Variants in GNG11 observed in about 807,000 individuals in gnomAD.
GNG11 encodes guanine nucleotide-binding protein G(I)/G(S)/G(O) subunit gamma-11.
GNG11 carries 6 observed loss-of-function variants against 7.4 expected under a neutral mutation model. That is an observed-to-expected ratio of 0.81 (90% CI 0.44 to 1.60). The LOEUF (loss-of-function observed/expected upper bound fraction) is 1.60, where lower values mean the gene tolerates loss of function less well. Among genes scored for constraint, GNG11 ranks in the 40% most tolerant of loss-of-function variants. GNG11 has a pLI of 0.01. For missense variants in GNG11, 65 were observed against 83.0 expected, an observed-to-expected ratio of 0.78 and a Z score of 0.84; for synonymous variants, 31 against 25.9, an observed-to-expected ratio of 1.20 and a Z score of -0.60.
At position 93,927,406 on chromosome 7, in the gene GNG11, C is replaced by T. The variant is rs1379511607; in HGVS notation, c.*1190C>T. 6.6e-6 allele frequency: 1 copy of T among 152,186 alleles called. No individual in the cohort carries two copies. The highest frequency in any genetic ancestry group is 1.5e-5 in the Non-Finnish European group (1 of 68,044). The allele number at this position is 152,186 out of a possible 1,614,324, so 9.4% of individuals were successfully genotyped here. A position where few individuals can be genotyped will look rare whatever the true frequency, so the allele number is the denominator to read the frequency against. ...CTTTCTTTCTCACCTTGAGCATTCT[C>T]CCGCTTCTTCTCCGTCTTTTGGGTC... On this transcript the variant is annotated 3_prime_UTR_variant, in exon 2 of 2. Transcript: ENST00000248564.
At chr7:93,925,664 C>T (rs180235) in intron 1 of GNG11, among the ~76,000 whole-genome samples, 98,484 of 152,012 alleles carry the variant, frequency 0.65, 33,207 homozygotes, top group East Asian at 0.86. Context: ...CACCTGCTCA[C>T]TAGCATGGAA....
chr7:93,923,668 A>G (rs1296517218), intron 1 of GNG11, among the ~76,000 whole-genome samples: 1 of 151,870 alleles, frequency 6.6e-6, no homozygotes, highest in Non-Finnish European at 1.5e-5. Flanking sequence ...ACTGTGTAGA[A>G]CTTAGGAAAA....
chr7:93,925,279 T>C (rs1263943344), intron 1 of GNG11, among the ~76,000 whole-genome samples: 2 of 152,334 alleles, frequency 1.3e-5, no homozygotes, highest in Admixed American at 6.5e-5. Flanking sequence ...TTTTCTTTTG[T>C]TTTTATTCTT....
chr7:93,923,488 G>A (rs966056323), intron 1 of GNG11, among the ~76,000 whole-genome samples: 1 of 152,160 alleles, frequency 6.6e-6, no homozygotes, highest in South Asian at 2.1e-4. Flanking sequence ...CACGCTTCTT[G>A]AAACCTTAAG....
At chr7:93,925,543 G>T (rs1307200299) in intron 1 of GNG11, among the ~76,000 whole-genome samples, 2 of 152,086 alleles carry the variant, frequency 1.3e-5, no homozygotes, top group African/African-American at 4.8e-5. Context: ...CCAGAATCAG[G>T]CTTTTTCCAA....
chr7:93,926,195 A>C lies in GNG11; in HGVS notation c.201A>C (p.Lys67Asn). Residue 67 changes from lysine (K) to asparagine (N), a missense_variant, in exon 2 of 2, where the codon AAA (lysine) becomes AAC (asparagine). Physicochemically the swap from Lys to Asn is moderately conservative, Grantham distance 94. Transcript: ENST00000248564. Reference sequence around the variant, plus strand: ...AAGACAAGAACCCCTTTAAAGAAAAAGGCAGCTGTGTTATTTCATAAATAA... The same window carrying C: ...AAGACAAGAACCCCTTTAAAGAAAACGGCAGCTGTGTTATTTCATAAATAA... ...IPEDKNPFKE[K>N]GSCVIS 1 of 1,587,814 alleles carries C rather than the reference A, an allele frequency of 6.3e-7. No individual in the cohort carries two copies. The highest frequency in any genetic ancestry group is 8.6e-7 in the Non-Finnish European group (1 of 1,168,270).
At chr7:93,925,052 T>G (rs557812280) in intron 1 of GNG11, among the ~76,000 whole-genome samples, 9 of 152,190 alleles carry the variant, frequency 5.9e-5, no homozygotes, top group African/African-American at 1.9e-4. Context: ...TAGTCCCAGC[T>G]ACTTGGGAGG....
Position 93,928,501 on chromosome 7 carries a change from C to A in GNG11, c.*2285C>A, listed in dbSNP as rs1206895731. On this transcript the variant is annotated 3_prime_UTR_variant, in exon 2 of 2. Coordinates refer to ENST00000248564, the MANE Select transcript of GNG11 (RefSeq NM_004126.4). The stretch of plus-strand genomic sequence containing the variant: ...ATATTTAGATATATTGTAAATGTAA[C>A]CTTTGGTGACTGATAATTTGTTAAG... 2 of 151,940 alleles carry A rather than the reference C, an allele frequency of 1.3e-5. No homozygotes were observed. Among genetic ancestry groups the A allele is most frequent in the Admixed American group, 1.3e-4 (2 of 15,262 alleles). 9.4% of individuals were successfully genotyped at this position (151,940 alleles called of 1,614,324 possible). A position where few individuals can be genotyped will look rare whatever the true frequency, so the allele number is the denominator to read the frequency against.
rs1437933232 is a variant in GNG11, at chr7:93,927,222, G to C, written c.*1006G>C. 6.6e-6 allele frequency: 1 copy of C among 152,110 alleles called. No homozygotes were observed. Among genetic ancestry groups the C allele is most frequent in the Non-Finnish European group, 1.5e-5 (1 of 68,022 alleles). 9.4% of individuals were successfully genotyped at this position (152,110 alleles called of 1,614,324 possible). A position where few individuals can be genotyped will look rare whatever the true frequency, so the allele number is the denominator to read the frequency against. On this transcript the variant is annotated 3_prime_UTR_variant, in exon 2 of 2. Transcript: ENST00000248564. ...TATTCTGGCCATTTATTCGTGTTTG[G>C]TGATATGTGTTGCGAATACCTTCTC... is the stretch of plus-strand genomic sequence containing the variant.
Position 93,926,651 on chromosome 7 carries a change from C to T in GNG11, c.*435C>T, listed in dbSNP as rs1368987805. ...TAGGTGGTTCGACAGATCACATCTCCAAACCCTGCGTCAATGGTTTAGAGT... is the reference window on the plus strand; with the variant it reads ...TAGGTGGTTCGACAGATCACATCTCTAAACCCTGCGTCAATGGTTTAGAGT... On this transcript the variant is annotated 3_prime_UTR_variant, in exon 2 of 2. Transcript: ENST00000248564. 1 of 152,820 alleles carries T rather than the reference C, an allele frequency of 6.5e-6. No individual in the cohort carries two copies. The allele number at this position is 152,820 out of a possible 1,614,324, so 9.5% of individuals were successfully genotyped here.
At chr7:93,925,385 AT>A (rs1422186540) in intron 1 of GNG11, among the ~76,000 whole-genome samples, 1 of 152,096 alleles carries the variant, frequency 6.6e-6, no homozygotes, top group Non-Finnish European at 1.5e-5. Context: ...ACACTATTCA[AT>A]TTTTTCTCCA....
rs1178339785 is a variant in GNG11 at position 93,922,134 on chromosome 7, G to C, written c.-4G>C. ...GCTAGCCCGAGCCCGGTTCTGGGGCGAAAATGCCTGCCCTTCACATCGAAG... is the reference window on the plus strand; with the variant it reads ...GCTAGCCCGAGCCCGGTTCTGGGGCCAAAATGCCTGCCCTTCACATCGAAG... On this transcript the variant is annotated 5_prime_UTR_variant, in exon 1 of 2. Coordinates refer to ENST00000248564, the MANE Select transcript of GNG11 (RefSeq NM_004126.4). 4.4e-6 allele frequency: 7 copies of C among 1,581,308 alleles called. No individual in the cohort carries two copies. In the East Asian group the frequency reaches 1.4e-4, roughly 31 times the overall value.
chr7:93,924,207 G>A (rs1794648095), intron 1 of GNG11, among the ~76,000 whole-genome samples: 1 of 152,204 alleles, frequency 6.6e-6, no homozygotes, highest in Admixed American at 6.5e-5. Context: ...AAACTTGCAA[G>A]TTGCATTCTG....
chr7:93,922,080 G>C lies in GNG11; in HGVS notation c.-58G>C. On this transcript the variant is annotated 5_prime_UTR_variant, in exon 1 of 2. Transcript: ENST00000248564. ...GTTGTTTCGGGACGCGCCGAGCTTC[G>C]CCGCTCTTCCAGCGGCTCCGCTGCC... The C allele has an allele frequency of 8.9e-7, 1 of 1,123,256 alleles. No individual in the cohort carries two copies. The highest frequency in any genetic ancestry group is 1.3e-6 in the Non-Finnish European group (1 of 787,996). 69.6% of individuals were successfully genotyped at this position (1,123,256 alleles called of 1,614,324 possible).
intron 1 of GNG11, among the ~76,000 whole-genome samples, chr7:93,925,025 G>C (rs1045044473): frequency 6.6e-6 from 1 of 152,104 alleles, no homozygotes; most frequent in African/African-American, 2.4e-5. Flanking sequence ...TTAGCCAGGC[G>C]TGGTGGTGGG....
At chr7:93,924,153 TA>T (rs1794647512) in intron 1 of GNG11, among the ~76,000 whole-genome samples, 1 of 152,168 alleles carries the variant, frequency 6.6e-6, no homozygotes, top group South Asian at 2.1e-4. Context: ...AATAAATAGT[TA>T]ACATCTGGGC....
chr7:93,925,023 G>A (rs1001048813), intron 1 of GNG11, among the ~76,000 whole-genome samples: 5 of 152,124 alleles, frequency 3.3e-5, no homozygotes, highest in African/African-American at 1.2e-4. Context: ...AATTAGCCAG[G>A]CGTGGTGGTG....
At chr7:93,922,670 C>T (rs1794632154) in intron 1 of GNG11, among the ~76,000 whole-genome samples, 1 of 152,158 alleles carries the variant, frequency 6.6e-6, no homozygotes, top group Admixed American at 6.5e-5. Context: ...TTGAATTTCA[C>T]CAGTGGCCTT....
chr7:93,925,151 A>G (rs530784533), intron 1 of GNG11, among the ~76,000 whole-genome samples: 2 of 152,288 alleles, frequency 1.3e-5, no homozygotes, highest in South Asian at 2.1e-4. Context: ...GCAATAGAGC[A>G]AGACTCCATC....
Sources: allele counts gnomAD v4.1 joint callset (sites outside exome capture counted in the v4.1 genomes callset), GRCh38; gene constraint gnomAD v4.1.1; transcripts MANE v1.5; gene names NCBI Gene and HGNC (gene_info 2026-07-23, HGNC 2026-07-21).